Variants in EXOC4 observed in about 807,000 individuals in gnomAD.
EXOC4 encodes exocyst complex component 4, also known as SEC8-like 1.
In EXOC4, 71 loss-of-function variants were observed where a neutral mutation model predicts 107.2. That is an observed-to-expected ratio of 0.66 (90% CI 0.55 to 0.81). The LOEUF (loss-of-function observed/expected upper bound fraction) is 0.81, where lower values mean the gene tolerates loss of function less well. Among genes scored for constraint, EXOC4 ranks in the 30% least tolerant of loss-of-function variants. The probability of loss-of-function intolerance (pLI) is 0.00; values close to 1 mark genes in which losing one functional copy is unlikely to be tolerated. For synonymous variants in EXOC4, 456 were observed against 441.2 expected (o/e 1.03, Z -0.42); for missense variants, 1,108 against 1,189.6 (o/e 0.93, Z 1.01).
chr7:133,647,911 G>T (rs1465166563), intron 10 of EXOC4, among the ~76,000 whole-genome samples: 1 of 152,080 alleles, frequency 6.6e-6, no homozygotes, highest in African/African-American at 2.4e-5. Flanking sequence ...ATTCCAGATA[G>T]TTCCCAGGCC....
At chr7:133,949,341 T>C (rs951053820) in intron 14 of EXOC4, among the ~76,000 whole-genome samples, 6 of 152,224 alleles carry the variant, frequency 3.9e-5, no homozygotes, top group Non-Finnish European at 5.9e-5. Flanking sequence ...TACTAACATC[T>C]TTGAGCTCTG....
intron 1 of EXOC4, 162 bp downstream of exon 1, chr7:133,253,349 T>G: frequency 2.1e-6 from 3 of 1,395,722 alleles, no homozygotes; most frequent in Admixed American, 3.2e-5. Flanking sequence ...GCCCCAGCAA[T>G]TCCCCCTCCA....
intron 10 of EXOC4, among the ~76,000 whole-genome samples, chr7:133,814,746 A>G (rs1293647814): frequency 6.6e-6 from 1 of 152,204 alleles, no homozygotes; most frequent in African/African-American, 2.4e-5. Flanking sequence ...GTATCTTAGT[A>G]TAGTTTACTT....
Position 133,888,366 on chromosome 7 carries a change from ACCATAGC to A in EXOC4, c.1735-7231_1735-7225del, listed in dbSNP as rs562299371. ...TAAGCATACTTTTATGGCTAAGCTT[ACCATAGC>A]CTATGTAATTTTATATAAATACAAA... On this transcript the variant is annotated intron_variant, in intron 11 of 17. Coordinates refer to ENST00000253861, the MANE Select transcript of EXOC4 (RefSeq NM_021807.4). Among the ~76,000 whole-genome samples, 876 of 152,332 alleles carry A rather than the reference ACCATAGC, an allele frequency of 5.8e-3. 9 individuals carry two copies. Among genetic ancestry groups the A allele is most frequent in the Non-Finnish European group, 9.3e-3 (632 of 68,034 alleles).
chr7:133,975,636 GA>G (rs897506845), intron 14 of EXOC4, among the ~76,000 whole-genome samples: 4 of 152,046 alleles, frequency 2.6e-5, no homozygotes, highest in African/African-American at 4.8e-5. Flanking sequence ...AATTTATGAT[GA>G]GGGGTGGGAG....
chr7:133,613,988 A>G (rs556175503), intron 9 of EXOC4, among the ~76,000 whole-genome samples: 9 of 152,208 alleles, frequency 5.9e-5, no homozygotes, highest in African/African-American at 1.2e-4. Context: ...TGATAATTTT[A>G]GAAAGAAGTT....
At chr7:133,322,504 A>G (rs1287683702) in intron 5 of EXOC4, among the ~76,000 whole-genome samples, 2 of 151,998 alleles carry the variant, frequency 1.3e-5, no homozygotes, top group Non-Finnish European at 2.9e-5. Context: ...TTTTTGTCAG[A>G]TTTGTGAAAG....
At chr7:133,708,583 G>C (rs2151093901) in intron 10 of EXOC4, among the ~76,000 whole-genome samples, 1 of 152,324 alleles carries the variant, frequency 6.6e-6, no homozygotes, top group South Asian at 2.1e-4. Flanking sequence ...TGTCCATTTT[G>C]TTGTGAGCAC....
At chr7:133,791,523 T>C (rs1467364201) in intron 10 of EXOC4, among the ~76,000 whole-genome samples, 3 of 152,220 alleles carry the variant, frequency 2.0e-5, no homozygotes, top group Non-Finnish European at 2.9e-5. Flanking sequence ...CTTTTGGCAG[T>C]TATAGAAACT....
At chr7:133,643,904 C>A (rs988480652) in intron 10 of EXOC4, among the ~76,000 whole-genome samples, 1 of 152,180 alleles carries the variant, frequency 6.6e-6, no homozygotes, top group Non-Finnish European at 1.5e-5. Flanking sequence ...CTCTACTGAT[C>A]ATTTTCCTTT....
intron 2 of EXOC4, among the ~76,000 whole-genome samples, chr7:133,278,741 T>C (rs1794057244): frequency 6.6e-6 from 1 of 152,122 alleles, no homozygotes; most frequent in Non-Finnish European, 1.5e-5. Context: ...GGAAAGACAT[T>C]GATTTTAACT....
chr7:133,788,861 G>A (rs570687495), intron 10 of EXOC4, among the ~76,000 whole-genome samples: 1 of 151,902 alleles, frequency 6.6e-6, no homozygotes, highest in Non-Finnish European at 1.5e-5. Flanking sequence ...CTACCTTCAG[G>A]CTGTATGGAG....
At chr7:133,749,919 G>C (rs1795755445) in intron 10 of EXOC4, among the ~76,000 whole-genome samples, 1 of 137,620 alleles carries the variant, frequency 7.3e-6, no homozygotes, top group South Asian at 2.3e-4. Context: ...AAGATATTCT[G>C]CTCTCCCTTA....
At chr7:133,685,872 C>T (rs553347148) in intron 10 of EXOC4, among the ~76,000 whole-genome samples, 3 of 152,164 alleles carry the variant, frequency 2.0e-5, no homozygotes, top group South Asian at 2.1e-4. Context: ...TCATCCCTCA[C>T]CTGCCTCTCA....
At position 133,806,175 on chromosome 7, in the gene EXOC4, A is replaced by T. The variant is rs575881009; in HGVS notation, c.1515-11150A>T. On this transcript the variant is annotated intron_variant, in intron 10 of 17. Coordinates refer to ENST00000253861, the MANE Select transcript of EXOC4 (RefSeq NM_021807.4). ...GGGTAAACAAGTAGATAAATGTATGAACTTAAGATTTAATATAAAGAGAAT... is the reference window on the plus strand; with the variant it reads ...GGGTAAACAAGTAGATAAATGTATGTACTTAAGATTTAATATAAAGAGAAT... Among the ~76,000 whole-genome samples, 145 of 152,352 alleles carry T rather than the reference A, an allele frequency of 9.5e-4. 1 individual carries two copies. The highest frequency in any genetic ancestry group is 1.2e-3 in the East Asian group (6 of 5,180).
At chr7:133,491,621 T>C (rs552894124) in intron 9 of EXOC4, among the ~76,000 whole-genome samples, 1 of 152,322 alleles carries the variant, frequency 6.6e-6, no homozygotes, top group Non-Finnish European at 1.5e-5. Flanking sequence ...TCAACATTTC[T>C]AGGCCAACTA....
Position 133,749,967 on chromosome 7 carries a change from T to G in EXOC4, c.1515-67358T>G, listed in dbSNP as rs1015146076. Among the ~76,000 whole-genome samples, 357 of 145,822 alleles carry G rather than the reference T, an allele frequency of 2.4e-3. 1 individual carries two copies. The highest frequency in any genetic ancestry group is 8.6e-3 in the African/African-American group (339 of 39,512). On this transcript the variant is annotated intron_variant, in intron 10 of 17. Transcript: ENST00000253861. ...AAGGTGGTTGGCAGTTTTTTTTTTT[T>G]TTTTTTTTTTTTTTTTTTAACCAGT...
intron 10 of EXOC4, among the ~76,000 whole-genome samples, chr7:133,682,917 A>G (rs1562905967): frequency 6.6e-6 from 1 of 152,194 alleles, no homozygotes; most frequent in Non-Finnish European, 1.5e-5. Context: ...TGGCAAAGGG[A>G]TGTATGGATT....
Position 133,877,085 on chromosome 7 carries a change from AT to A in EXOC4, c.1735-18504del, listed in dbSNP as rs999337015. Among the ~76,000 whole-genome samples, 368 of 136,336 alleles carry A rather than the reference AT, an allele frequency of 2.7e-3. 1 individual carries two copies. The highest frequency in any genetic ancestry group is 7.8e-3 in the African/African-American group (287 of 36,834). 89.4% of individuals were successfully genotyped at this position (136,336 alleles called of 152,430 possible). A position where few individuals can be genotyped will look rare whatever the true frequency, so the allele number is the denominator to read the frequency against. ...TGTTTCGCAGTTCGCTGACTCTCCT[AT>A]TTTTTTTTTAATCATTTTTTCTGTC... is the stretch of plus-strand genomic sequence containing the variant. On this transcript the variant is annotated intron_variant, in intron 11 of 17. Coordinates refer to ENST00000253861, the MANE Select transcript of EXOC4 (RefSeq NM_021807.4).
Sources: gnomAD v4.1 joint callset for allele counts (sites outside exome capture counted in the v4.1 genomes callset) on GRCh38, gnomAD v4.1.1 for gene constraint, MANE v1.5 for transcripts, NCBI Gene and HGNC (gene_info 2026-07-23, HGNC 2026-07-21) for gene names.